KLF8: variants seen among roughly 807,000 people sequenced by gnomAD.
The protein encoded by KLF8 is KLF transcription factor 8.
In KLF8, 10 loss-of-function variants were observed where a neutral mutation model predicts 18.2. That is an observed-to-expected ratio of 0.55 (90% CI 0.34 to 0.93). The LOEUF is 0.93. Among genes scored for constraint, KLF8 ranks in the 40% least tolerant of loss-of-function variants. The pLI is 0.02. For synonymous variants in KLF8, 109 were observed against 97.3 expected (o/e 1.12, Z -0.71); for missense variants, 264 against 277.9 (o/e 0.95, Z 0.36).
the KLF8 span, among the ~76,000 whole-genome samples, chrX:55,943,865 CTGTT>C: frequency 8.9e-6 from 1 of 112,161 alleles, no homozygotes; most frequent in African/African-American, 3.2e-5. Context: ...CACATGGAGT[CTGTT>C]TGCTGGATGG....
At chrX:56,136,690 A>T in the KLF8 span, among the ~76,000 whole-genome samples, 1 of 111,685 alleles carries the variant, frequency 9.0e-6, no homozygotes, top group Non-Finnish European at 1.9e-5. Context: ...GGACATAGGC[A>T]TGGGCAAGGA....
At chrX:56,174,557 CT>C in the KLF8 span, among the ~76,000 whole-genome samples, 1 of 111,450 alleles carries the variant, frequency 9.0e-6, no homozygotes, top group Non-Finnish European at 1.9e-5. Flanking sequence ...CTAAAATTCT[CT>C]TTTTTTGTTG....
At chrX:56,085,782 T>A in the KLF8 span, among the ~76,000 whole-genome samples, 1 of 112,111 alleles carries the variant, frequency 8.9e-6, no homozygotes, top group South Asian at 3.7e-4. Flanking sequence ...ACTTGGAAAG[T>A]AAAATAAACC....
At chrX:55,955,066 A>G in the KLF8 span, among the ~76,000 whole-genome samples, 1 of 111,732 alleles carries the variant, frequency 8.9e-6, no homozygotes, top group South Asian at 3.7e-4. Flanking sequence ...TTGGATTGTG[A>G]TGAGAGTTGT....
the KLF8 span, among the ~76,000 whole-genome samples, chrX:56,131,190 A>G: frequency 7.1e-5 from 8 of 112,155 alleles, no homozygotes; most frequent in East Asian, 2.3e-3. Flanking sequence ...CATAGTCATC[A>G]GCTTATCTAA....
chrX:56,002,417 A>ATGTGTG, the KLF8 span, among the ~76,000 whole-genome samples: 11 of 92,657 alleles, frequency 1.2e-4, no homozygotes, highest in South Asian at 1.5e-3. Flanking sequence ...ATTTGTGTGT[A>ATGTGTG]TGTGTGTGTG....
At chrX:56,180,246 T>A in the KLF8 span, among the ~76,000 whole-genome samples, 1 of 111,898 alleles carries the variant, frequency 8.9e-6, no homozygotes, top group East Asian at 2.8e-4. Flanking sequence ...TTCTTTCAGA[T>A]TTTCTTGTTT....
chrX:56,185,053 G>A, the KLF8 span, among the ~76,000 whole-genome samples: 1 of 112,436 alleles, frequency 8.9e-6, no homozygotes, highest in Admixed American at 9.4e-5. Flanking sequence ...AGAGAAGAAG[G>A]CTTCAGACAA....
chrX:55,982,968 G>T, the KLF8 span, among the ~76,000 whole-genome samples: 3 of 111,768 alleles, frequency 2.7e-5, no homozygotes, highest in Non-Finnish European at 5.6e-5. Context: ...ATCACACAAA[G>T]TTGAGGTTTT....
At chrX:56,022,062 C>T in the KLF8 span, among the ~76,000 whole-genome samples, 2 of 111,005 alleles carry the variant, frequency 1.8e-5, no homozygotes, top group South Asian at 7.6e-4. Flanking sequence ...AAAAGCCTCA[C>T]ATAAAATATC....
the KLF8 span, among the ~76,000 whole-genome samples, chrX:56,073,505 T>A: frequency 2.7e-5 from 3 of 111,613 alleles, no homozygotes; most frequent in South Asian, 1.1e-3. Flanking sequence ...TGTGGTTGTA[T>A]GCCTGGAGTG....
At chrX:56,175,489 C>T in the KLF8 span, among the ~76,000 whole-genome samples, 2 of 111,664 alleles carry the variant, frequency 1.8e-5, no homozygotes, top group Non-Finnish European at 3.8e-5. Flanking sequence ...CATTCTTTTA[C>T]ATTTGCTGAG....
chrX:56,150,917 A>G, the KLF8 span, among the ~76,000 whole-genome samples: 3 of 111,634 alleles, frequency 2.7e-5, no homozygotes, highest in African/African-American at 9.8e-5. Flanking sequence ...ATGTTGTTAT[A>G]AAATGCTAAA....
At chrX:56,155,765 T>C in the KLF8 span, among the ~76,000 whole-genome samples, 1 of 111,518 alleles carries the variant, frequency 9.0e-6, no homozygotes, top group African/African-American at 3.3e-5. Context: ...ATCACCCTGA[T>C]AGTGAACACA....
At chrX:55,937,448 ACT>A in the KLF8 span, among the ~76,000 whole-genome samples, 1 of 111,608 alleles carries the variant, frequency 9.0e-6, no homozygotes, top group Non-Finnish European at 1.9e-5. Flanking sequence ...AAAACCAGAA[ACT>A]CTAAAAATCA....
the KLF8 span, among the ~76,000 whole-genome samples, chrX:56,221,107 T>G: frequency 8.9e-6 from 1 of 112,221 alleles, no homozygotes; most frequent in East Asian, 2.8e-4. Context: ...GATTATTTCA[T>G]GGAAAAAATA....
intron 2 of KLF8, among the ~76,000 whole-genome samples, chrX:56,259,702 T>C (rs1172469681): frequency 9.0e-6 from 1 of 111,188 alleles, no homozygotes; most frequent in Non-Finnish European, 1.9e-5. Flanking sequence ...CCAGTAATAT[T>C]TTTTGTCTCC....
At position 56,290,943 on chromosome X, in the gene KLF8, G is replaced by A. The variant is rs1048229698; in HGVS notation, c.*6449G>A. 4.5e-5 allele frequency among the ~76,000 whole-genome samples: 5 copies of A among 111,326 alleles called. No individual in the cohort carries two copies. Among genetic ancestry groups the A allele is most frequent in the Non-Finnish European group, 7.5e-5 (4 of 53,013 alleles). On this transcript the variant is annotated 3_prime_UTR_variant, in exon 6 of 6. Transcript: ENST00000468660. ...AAGCTCTCCTTCCTTTCCTAGAGTC[G>A]CTACAAGTAGCTGTGTTGGACATTA...
chrX:56,072,873 T>C, the KLF8 span, among the ~76,000 whole-genome samples: 1 of 111,943 alleles, frequency 8.9e-6, no homozygotes, highest in East Asian at 2.8e-4. Flanking sequence ...TTCCTGCAGT[T>C]TCTGGTAAAC....
Sources: allele counts gnomAD v4.1 joint callset (sites outside exome capture counted in the v4.1 genomes callset), GRCh38; gene constraint gnomAD v4.1.1; transcripts MANE v1.5; gene names NCBI Gene and HGNC (gene_info 2026-07-23, HGNC 2026-07-21).